Variants in CLNK observed in about 807,000 individuals in gnomAD.
CLNK encodes the protein cytokine-dependent hematopoietic cell linker.
Under a neutral mutation model 68.6 loss-of-function variants are expected in CLNK, and 74 were observed. The ratio of observed to expected loss-of-function variants is 1.08; its 90% CI spans 0.89 to 1.31. The LOEUF (loss-of-function observed/expected upper bound fraction) is 1.31. Among genes scored for constraint, CLNK ranks in the 50% most tolerant of loss-of-function variants. The pLI, the probability that CLNK is intolerant of heterozygous loss-of-function variation, is 0.00. For missense variants in CLNK, 553 were observed against 515.3 expected (o/e 1.07, Z -0.71); for synonymous variants, 198 against 172.2 (o/e 1.15, Z -1.17).
At chr4:10,693,660 C>T in the CLNK span, among the ~76,000 whole-genome samples, 3 of 152,204 alleles carry the variant, frequency 2.0e-5, no homozygotes, top group Non-Finnish European at 4.4e-5. Context: ...GGCACTTGTT[C>T]CAGCAGCCCT....
intron 1 of CLNK, among the ~76,000 whole-genome samples, chr4:10,677,239 AG>A (rs1197025858): frequency 2.6e-5 from 4 of 152,194 alleles, no homozygotes; most frequent in African/African-American, 4.8e-5. Flanking sequence ...AGATAGATCC[AG>A]TAAACCCCAC....
chr4:10,542,656 ATGTG>A (rs140035866), intron 8 of CLNK, among the ~76,000 whole-genome samples: 3,438 of 132,150 alleles, frequency 0.026, 165 homozygotes, highest in African/African-American at 0.091. Flanking sequence ...GTGTGTGTGT[ATGTG>A]TGTGTGTGTG....
the CLNK span, among the ~76,000 whole-genome samples, chr4:10,692,505 T>C: frequency 3.9e-5 from 6 of 152,190 alleles, no homozygotes; most frequent in Non-Finnish European, 7.3e-5. Flanking sequence ...GCAACGTGGC[T>C]CCCTAATGGT....
At chr4:10,724,205 AG>A in the CLNK span, among the ~76,000 whole-genome samples, 1 of 152,176 alleles carries the variant, frequency 6.6e-6, no homozygotes, top group Non-Finnish European at 1.5e-5. Context: ...CACACAACAC[AG>A]TCCCATCTTT....
chr4:10,673,327 C>T (rs1724732787), intron 1 of CLNK, among the ~76,000 whole-genome samples: 1 of 152,196 alleles, frequency 6.6e-6, no homozygotes, highest in Non-Finnish European at 1.5e-5. Context: ...TCTTACCCAG[C>T]TTCACCACAA....
chr4:10,679,376 G>A (rs1288819890), intron 1 of CLNK, among the ~76,000 whole-genome samples: 1 of 152,226 alleles, frequency 6.6e-6, no homozygotes, highest in Non-Finnish European at 1.5e-5. Flanking sequence ...CAAGATGGAT[G>A]AAAGACTTAC....
chr4:10,590,600 CT>C (rs1721148121), intron 3 of CLNK, among the ~76,000 whole-genome samples: 1 of 152,318 alleles, frequency 6.6e-6, no homozygotes, highest in African/African-American at 2.4e-5. Flanking sequence ...TCTCAAACCT[CT>C]GAAATTAACT....
intron 15 of CLNK, among the ~76,000 whole-genome samples, chr4:10,513,862 T>A (rs2109039326): frequency 6.7e-6 from 1 of 149,038 alleles, no homozygotes; most frequent in East Asian, 1.9e-4. Context: ...TTATTTTATT[T>A]TTTTTTAAAT....
chr4:10,543,759 C>T (rs1719125051), intron 8 of CLNK, among the ~76,000 whole-genome samples: 1 of 152,198 alleles, frequency 6.6e-6, no homozygotes, highest in African/African-American at 2.4e-5. Flanking sequence ...TACCATTCTT[C>T]CTTTCTGTTT....
At chr4:10,572,622 G>A (rs566759097) in intron 4 of CLNK, among the ~76,000 whole-genome samples, 3 of 152,190 alleles carry the variant, frequency 2.0e-5, no homozygotes, top group African/African-American at 7.2e-5. Flanking sequence ...TATGTGAGAA[G>A]TTTCAGGTCT....
chr4:10,503,366 G>A (rs1717136494), intron 17 of CLNK, among the ~76,000 whole-genome samples: 1 of 151,854 alleles, frequency 6.6e-6, no homozygotes, highest in South Asian at 2.1e-4. Context: ...AGAGGCTGAG[G>A]CAGGAGAATC....
At chr4:10,571,674 G>C (rs916249874) in intron 5 of CLNK, 67 bp downstream of exon 5, 20 of 1,277,016 alleles carry the variant, frequency 1.6e-5, no homozygotes, top group Admixed American at 5.3e-5. Flanking sequence ...CCAGTATCTT[G>C]AATCAAATTC....
intron 2 of CLNK, among the ~76,000 whole-genome samples, chr4:10,640,325 C>T (rs1723263489): frequency 6.6e-6 from 1 of 152,166 alleles, no homozygotes; most frequent in Admixed American, 6.5e-5. Flanking sequence ...CCAGCACGCC[C>T]AACTAACTTT....
chr4:10,694,076 A>G, the CLNK span, among the ~76,000 whole-genome samples: 1 of 152,018 alleles, frequency 6.6e-6, no homozygotes, highest in Admixed American at 6.6e-5. Flanking sequence ...TGGTGGTGGT[A>G]GAGGCGAGGA....
rs879636995 is a variant in CLNK, at chr4:10,508,033, C to T, written c.910G>A (p.Val304Ile). The T allele has an allele frequency of 2.4e-5, 39 of 1,608,392 alleles. No homozygotes were observed. The highest frequency in any genetic ancestry group is 3.3e-5 in the Non-Finnish European group (39 of 1,176,848). The stretch of plus-strand genomic sequence containing the variant: ...CCAATGTACCATTCATTGTGCTGGA[C>T]ATCCTGCAGAACAGAATCAATGATA... ...PFPKRSDRKDVQHNEWYIGEY... is the reference protein window; with the variant it reads ...PFPKRSDRKDIQHNEWYIGEY... Residue 304 changes from valine to isoleucine, a missense_variant, in exon 17 of 19, where the codon GTC becomes ATC. Physicochemically the swap from Val to Ile is conservative, Grantham distance 29. Transcript: ENST00000226951.
the CLNK span, among the ~76,000 whole-genome samples, chr4:10,713,016 C>T: frequency 2.6e-4 from 39 of 152,186 alleles, no homozygotes; most frequent in Non-Finnish European, 5.1e-4. Flanking sequence ...GCTTAAAAAA[C>T]GTAGTCTCTG....
chr4:10,490,343 G>C lies in CLNK; in HGVS notation c.*124C>G, dbSNP rs1316606593. ...GTGATTTTCCACTCTCTGTTATAGA[G>C]TGTTTTTCTTTTCTCCAAAGTTAAA... is the stretch of plus-strand genomic sequence containing the variant. On this transcript the variant is annotated 3_prime_UTR_variant, in exon 19 of 19. Transcript: ENST00000226951. The C allele has an allele frequency of 1.0e-6, 1 of 958,172 alleles. No homozygotes were observed. The highest frequency in any genetic ancestry group is 1.5e-6 in the Non-Finnish European group (1 of 654,628). The allele number at this position is 958,172 out of a possible 1,614,324, so 59.4% of individuals were successfully genotyped here. A position where few individuals can be genotyped will look rare whatever the true frequency, so the allele number is the denominator to read the frequency against.
the CLNK span, among the ~76,000 whole-genome samples, chr4:10,727,647 G>A: frequency 6.6e-6 from 1 of 152,216 alleles, no homozygotes; most frequent in Non-Finnish European, 1.5e-5. Flanking sequence ...ACACCCCAAA[G>A]GGTGAGGGGA....
At chr4:10,519,608 G>A (rs1305128633) in intron 15 of CLNK, among the ~76,000 whole-genome samples, 1 of 152,214 alleles carries the variant, frequency 6.6e-6, no homozygotes, top group Non-Finnish European at 1.5e-5. Context: ...CATTAGCAAT[G>A]TGTATGTGAG....
Sources: allele counts gnomAD v4.1 joint callset (sites outside exome capture counted in the v4.1 genomes callset), GRCh38; gene constraint gnomAD v4.1.1; transcripts MANE v1.5; gene names NCBI Gene and HGNC (gene_info 2026-07-23, HGNC 2026-07-21).